The following SLC9C1 variants were observed in gnomAD, a reference collection of about 807,000 sequenced individuals.
SLC9C1 encodes the protein sodium/hydrogen exchanger 10.
SLC9C1 carries 97 observed loss-of-function variants against 140.9 expected under a neutral mutation model. The observed-to-expected ratio is 0.69, with a 90% CI of 0.58 to 0.82. SLC9C1 has a LOEUF of 0.82. SLC9C1 is among the 40% of genes least tolerant of loss of function. The pLI is 0.00. For synonymous variants in SLC9C1, 440 were observed against 442.6 expected (o/e 0.99, Z 0.07); for missense variants, 1,340 against 1,389.3 (o/e 0.96, Z 0.56).
At chr3:112,276,265 C>T (rs1297453756) in intron 5 of SLC9C1, among the ~76,000 whole-genome samples, 5 of 151,888 alleles carry the variant, frequency 3.3e-5, no homozygotes, top group South Asian at 2.1e-4. Context: ...TTCAGAAATA[C>T]GTAGTAGATG....
chr3:112,185,737 C>T, intron 20 of SLC9C1: 1 of 1,538,900 alleles, frequency 6.5e-7, no homozygotes, highest in Non-Finnish European at 8.7e-7. Flanking sequence ...TTGCTGAGCC[C>T]CCGGCCTGCC....
chr3:112,204,104 TA>T (rs1482177473), intron 17 of SLC9C1, 113 bp downstream of exon 17: 1 of 1,152,174 alleles, frequency 8.7e-7, no homozygotes, highest in Non-Finnish European at 1.1e-6. Flanking sequence ...ATTTAAAATA[TA>T]AACATTAACC....
chr3:112,279,503 CGAAG>C (rs1358075612), intron 3 of SLC9C1, among the ~76,000 whole-genome samples: 2 of 152,068 alleles, frequency 1.3e-5, no homozygotes, highest in East Asian at 3.9e-4. Flanking sequence ...GCAATCAAGA[CGAAG>C]AAAGAAGTTT....
At chr3:112,288,090 C>T (rs2080570750) in intron 1 of SLC9C1, among the ~76,000 whole-genome samples, 1 of 149,830 alleles carries the variant, frequency 6.7e-6, no homozygotes, top group African/African-American at 2.4e-5. Flanking sequence ...ATTACAATTC[C>T]TCTCATAACC....
chr3:112,181,302 G>A (rs1377413385), intron 21 of SLC9C1, among the ~76,000 whole-genome samples: 1 of 152,080 alleles, frequency 6.6e-6, no homozygotes, highest in Non-Finnish European at 1.5e-5. Context: ...AAAAGTAATG[G>A]GAACAGATGT....
In SLC9C1 at chr3:112,269,947, G is replaced by T. The variant is rs2080025870; in HGVS notation, c.744C>A (p.Ile248=). The T allele has an allele frequency of 6.3e-7, 1 of 1,581,860 alleles. No individual in the cohort carries two copies. The highest frequency in any genetic ancestry group is 8.6e-7 in the Non-Finnish European group (1 of 1,166,952). ...AAAAGATGAGATACAGAATTGAAAAGATGAGACTTATATGATTGACATCAT... is the reference window on the plus strand; with the variant it reads ...AAAAGATGAGATACAGAATTGAAAATATGAGACTTATATGATTGACATCAT... ...FGDDVNHISL[I]FSILYLIFYI... The change falls in exon 7 of 29, where the codon ATC becomes ATA. Residue 248 remains isoleucine, a synonymous_variant. Transcript: ENST00000305815.
intron 2 of SLC9C1, among the ~76,000 whole-genome samples, chr3:112,281,451 G>C (rs1383171383): frequency 2.6e-5 from 4 of 152,176 alleles, no homozygotes; most frequent in Non-Finnish European, 5.9e-5. Context: ...GTTGGCTGCA[G>C]GTATGTGATC....
chr3:112,203,045 G>GTATC (rs1183100657), intron 17 of SLC9C1, among the ~76,000 whole-genome samples: 2 of 151,952 alleles, frequency 1.3e-5, no homozygotes, highest in Non-Finnish European at 2.9e-5. Flanking sequence ...TTCAGCTCAA[G>GTATC]TATCACCTAA....
At chr3:112,214,935 A>C (rs1245641223) in intron 15 of SLC9C1, among the ~76,000 whole-genome samples, 2 of 152,210 alleles carry the variant, frequency 1.3e-5, no homozygotes, top group Admixed American at 6.5e-5. Context: ...AATATTCCTG[A>C]TGAACATCGA....
chr3:112,253,737 G>A (rs192853133), intron 10 of SLC9C1, among the ~76,000 whole-genome samples: 1 of 152,266 alleles, frequency 6.6e-6, no homozygotes, highest in East Asian at 1.9e-4. Flanking sequence ...TCCTCCAAAT[G>A]ACCACACTAG....
chr3:112,234,240 G>A (rs1217709446), intron 12 of SLC9C1, among the ~76,000 whole-genome samples: 1 of 152,162 alleles, frequency 6.6e-6, no homozygotes, highest in Non-Finnish European at 1.5e-5. Context: ...CAGTAATGAT[G>A]AGCATTTTTT....
chr3:112,233,296 G>T (rs992807995), intron 12 of SLC9C1, among the ~76,000 whole-genome samples: 8 of 151,802 alleles, frequency 5.3e-5, no homozygotes, highest in Non-Finnish European at 1.2e-4. Flanking sequence ...CAAACTGCTT[G>T]GCTCAAGCAA....
Position 112,204,311 on chromosome 3 carries a change from A to C in SLC9C1, c.2079T>G (p.Ile693Met). The change falls in exon 17 of 29, where the codon ATT (isoleucine) becomes ATG (methionine). Residue 693 changes from isoleucine to methionine, a missense_variant. Physicochemically the swap from Ile to Met is conservative, Grantham distance 10 (BLOSUM62 1). Transcript: ENST00000305815. Reference sequence around the variant, plus strand: ...AAATATACTTAATGGTGTCTATTTCAATAAGTATTACATGTAAGATGCCAA... The same window carrying C: ...AAATATACTTAATGGTGTCTATTTCCATAAGTATTACATGTAAGATGCCAA... ...TLIGILHVIL[I>M]EIDTIKYIFN... 2 of 1,568,526 alleles carry C rather than the reference A, an allele frequency of 1.3e-6. No individual in the cohort carries two copies. Among genetic ancestry groups the C allele is most frequent in the Non-Finnish European group, 1.7e-6 (2 of 1,164,442 alleles).
chr3:112,246,155 A>T (rs2079277690), intron 10 of SLC9C1, among the ~76,000 whole-genome samples: 1 of 152,122 alleles, frequency 6.6e-6, no homozygotes. Flanking sequence ...GAGCATGTGC[A>T]TTATTTCCTC....
intron 12 of SLC9C1, among the ~76,000 whole-genome samples, chr3:112,234,859 A>G (rs1049466155): frequency 1.3e-5 from 2 of 152,082 alleles, no homozygotes; most frequent in South Asian, 4.1e-4. Flanking sequence ...TACAAGTACC[A>G]TGCTGTTTTG....
intron 10 of SLC9C1, among the ~76,000 whole-genome samples, chr3:112,255,112 T>C (rs1201142825): frequency 3.3e-5 from 5 of 152,082 alleles, no homozygotes; most frequent in Non-Finnish European, 4.4e-5. Context: ...ACAAAGAGAC[T>C]TATACTCCCA....
chr3:112,273,422 A>T (rs892165653), intron 6 of SLC9C1, among the ~76,000 whole-genome samples: 1 of 152,102 alleles, frequency 6.6e-6, no homozygotes, highest in Non-Finnish European at 1.5e-5. Flanking sequence ...AGATGCTCCA[A>T]GCTTCCATGG....
intron 16 of SLC9C1, among the ~76,000 whole-genome samples, chr3:112,205,315 C>G (rs747936254): frequency 2.0e-5 from 3 of 151,706 alleles, no homozygotes; most frequent in Non-Finnish European, 4.4e-5. Flanking sequence ...GCTTCAAAGA[C>G]AATAAAATAC....
At chr3:112,277,027 G>C (rs1399825901) in intron 5 of SLC9C1, among the ~76,000 whole-genome samples, 2 of 151,884 alleles carry the variant, frequency 1.3e-5, no homozygotes, top group African/African-American at 2.4e-5. Flanking sequence ...TGTGTGCATG[G>C]GTTGCCATAT....
Sources: allele counts gnomAD v4.1 joint callset (sites outside exome capture counted in the v4.1 genomes callset), GRCh38; gene constraint gnomAD v4.1.1; transcripts MANE v1.5; gene names NCBI Gene and HGNC (gene_info 2026-07-23, HGNC 2026-07-21).